MYO10: variants seen among roughly 807,000 people sequenced by gnomAD.
MYO10 encodes the protein unconventional myosin-X.
A neutral mutation model predicts 257.3 loss-of-function variants in MYO10; 133 were observed. That is an observed-to-expected ratio of 0.52 (90% CI 0.45 to 0.60). The LOEUF is 0.60. Ranked by LOEUF, MYO10 falls within the 20% of genes least tolerant of loss-of-function variation. The pLI is 0.00. For synonymous variants in MYO10, 1,104 were observed against 1,028.6 expected (o/e 1.07, Z -1.40); for missense variants, 2,399 against 2,635.7 (o/e 0.91, Z 1.97).
intron 1 of MYO10, among the ~76,000 whole-genome samples, chr5:16,915,695 C>G (rs1037774848): frequency 4.6e-5 from 7 of 152,166 alleles, no homozygotes; most frequent in African/African-American, 1.7e-4. Context: ...GTGGCTCACG[C>G]CTACAATCCC....
At chr5:16,845,165 G>A (rs984231694) in intron 2 of MYO10, among the ~76,000 whole-genome samples, 78 of 152,102 alleles carry the variant, frequency 5.1e-4, no homozygotes, top group African/African-American at 1.8e-3. Context: ...ATACCTGCAG[G>A]TGGCAGTACA....
intron 1 of MYO10, among the ~76,000 whole-genome samples, chr5:16,888,759 T>G (rs1001578593): frequency 2.7e-5 from 4 of 150,352 alleles, no homozygotes; most frequent in Non-Finnish European, 5.9e-5. Flanking sequence ...AAAAAAAAAG[T>G]AAAATTTGAA....
At chr5:16,837,305 C>T (rs983211561) in intron 2 of MYO10, among the ~76,000 whole-genome samples, 13 of 151,778 alleles carry the variant, frequency 8.6e-5, no homozygotes, top group African/African-American at 2.7e-4. Flanking sequence ...AGCAAAATTC[C>T]GTCTCAAAAG....
intron 26 of MYO10, among the ~76,000 whole-genome samples, chr5:16,698,624 T>TTTTTTTTG (rs1554036069): frequency 1.2e-4 from 6 of 51,686 alleles, no homozygotes; most frequent in African/African-American, 2.0e-4. Flanking sequence ...GAACATGCAG[T>TTTTTTTTG]TTTTTTTTTT....
intron 17 of MYO10, among the ~76,000 whole-genome samples, chr5:16,759,876 T>C (rs1409424765): frequency 1.3e-5 from 2 of 152,192 alleles, no homozygotes; most frequent in African/African-American, 4.8e-5. Context: ...AGAGTTAAAA[T>C]AAGTTTGAAG....
intron 1 of MYO10, among the ~76,000 whole-genome samples, chr5:16,886,846 C>T (rs1744910765): frequency 1.3e-5 from 2 of 150,590 alleles, no homozygotes; most frequent in African/African-American, 4.9e-5. Context: ...GCATGAGAAT[C>T]GCTTGAACCA....
intron 33 of MYO10, among the ~76,000 whole-genome samples, chr5:16,679,547 C>T (rs1210091486): frequency 4.3e-4 from 52 of 120,980 alleles, no homozygotes; most frequent in African/African-American, 1.8e-3. Context: ...TTTTTTGAGA[C>T]GAAGTCTCAC....
chr5:16,755,020 G>C (rs1404976933), intron 18 of MYO10, 112 bp from the exon 19 acceptor site: 3 of 561,418 alleles, frequency 5.3e-6, no homozygotes, highest in East Asian at 3.1e-5. Context: ...TAAATCATAG[G>C]ACTAATAACT....
Position 16,670,821 on chromosome 5 carries a change from C to G in MYO10, c.5588G>C (p.Arg1863Pro). ...GAAGGTTTTGGTTGACTGGCTGATG[C>G]GGGCCTTGAGTCTCTGCAGGGAATA... The part of the protein sequence containing the change: ...EVYSLQRLKA[R>P]ISQSTKTFTP... Residue 1863 changes from arginine to proline, a missense_variant, in exon 39 of 41, where the codon CGC becomes CCC. Arg to Pro is a moderately radical substitution (Grantham distance 103). Transcript: ENST00000513610. The G allele has an allele frequency of 2.5e-6, 4 of 1,613,966 alleles. No homozygotes were observed. Among genetic ancestry groups the G allele is most frequent in the Non-Finnish European group, 3.4e-6 (4 of 1,179,878 alleles).
chr5:16,845,502 T>A (rs1453074197), intron 2 of MYO10, among the ~76,000 whole-genome samples: 1 of 152,102 alleles, frequency 6.6e-6, no homozygotes, highest in East Asian at 1.9e-4. Flanking sequence ...CTCACGCCTC[T>A]TAAAAAAATG....
intron 26 of MYO10, 48 bp downstream of exon 26, chr5:16,699,402 C>A (rs763260895): frequency 1.3e-6 from 2 of 1,589,204 alleles, no homozygotes; most frequent in Non-Finnish European, 1.7e-6. Context: ...GATAAAATAA[C>A]GCCTCGCTCT....
chr5:16,872,904 T>C lies in MYO10; in HGVS notation c.120+4705A>G, dbSNP rs541999635. Among the ~76,000 whole-genome samples, 86 of 152,258 alleles carry C rather than the reference T, an allele frequency of 5.6e-4. 2 individuals carry two copies. Among genetic ancestry groups the C allele is most frequent in the Admixed American group, 5.0e-3 (77 of 15,282 alleles). On this transcript the variant is annotated intron_variant, in intron 2 of 40. Transcript: ENST00000513610. ...CCCTCTGGGTCCCTTCCACAGCATATGGGAATTCTGGGAGATACAATCCAA... is the reference window on the plus strand; with the variant it reads ...CCCTCTGGGTCCCTTCCACAGCATACGGGAATTCTGGGAGATACAATCCAA...
chr5:16,766,770 CTT>C (rs575636664), intron 10 of MYO10, among the ~76,000 whole-genome samples: 9 of 127,366 alleles, frequency 7.1e-5, no homozygotes, highest in Non-Finnish European at 6.6e-5. Context: ...CACCTACTTT[CTT>C]TTTTTTTTTT....
At chr5:16,816,151 A>G (rs1434181829) in intron 3 of MYO10, among the ~76,000 whole-genome samples, 1 of 151,446 alleles carries the variant, frequency 6.6e-6, no homozygotes, top group East Asian at 2.0e-4. Flanking sequence ...GACCATCCTG[A>G]CCAACATGGT....
At chr5:16,841,018 G>A (rs1743463777) in intron 2 of MYO10, among the ~76,000 whole-genome samples, 1 of 151,748 alleles carries the variant, frequency 6.6e-6, no homozygotes, top group African/African-American at 2.4e-5. Context: ...GGTGGCAGGT[G>A]CCTGTAATCC....
chr5:16,778,840 G>A (rs907233598), intron 9 of MYO10, among the ~76,000 whole-genome samples: 51 of 152,036 alleles, frequency 3.4e-4, no homozygotes, highest in African/African-American at 1.1e-3. Context: ...ATAGGCGCCC[G>A]CCACCACGCC....
chr5:16,680,030 G>C lies in MYO10; in HGVS notation c.4459C>G (p.Arg1487Gly). The change falls in exon 33 of 41, where the codon CGG becomes GGG. Residue 1487 changes from arginine (R) to glycine (G), a missense_variant. Physicochemically the swap from Arg to Gly is moderately radical, Grantham distance 125. Coordinates refer to ENST00000513610, the MANE Select transcript of MYO10 (RefSeq NM_012334.3). ...LYTKLLNEAT[R>G]WSSAIQNVTD... The stretch of plus-strand genomic sequence containing the variant: ...ACGTTTTGAATGGCACTGGACCACC[G>C]GGTGGCCTCGTTGAGCAGCTTGGTG... 1 of 1,613,874 alleles carries C rather than the reference G, an allele frequency of 6.2e-7. No individual in the cohort carries two copies. The highest frequency in any genetic ancestry group is 8.5e-7 in the Non-Finnish European group (1 of 1,179,848).
intron 2 of MYO10, among the ~76,000 whole-genome samples, chr5:16,836,105 T>C (rs566722186): frequency 2.0e-5 from 3 of 152,298 alleles, no homozygotes; most frequent in East Asian, 1.9e-4. Flanking sequence ...TTAGGAGAGA[T>C]AGGGGCATAC....
chr5:16,679,239 C>T (rs765689766), intron 33 of MYO10, among the ~76,000 whole-genome samples: 1 of 152,116 alleles, frequency 6.6e-6, no homozygotes, highest in Non-Finnish European at 1.5e-5. Context: ...GTGGAACTAG[C>T]CGGTTACTCC....
Sources: allele counts gnomAD v4.1 joint callset (sites outside exome capture counted in the v4.1 genomes callset), GRCh38; gene constraint gnomAD v4.1.1; transcripts MANE v1.5; gene names NCBI Gene and HGNC (gene_info 2026-07-23, HGNC 2026-07-21).